SGPP2: variants seen among roughly 807,000 people sequenced by gnomAD.
SGPP2 encodes sphingosine 1-phosphate phosphohydrolase 2.
SGPP2 carries 30 observed loss-of-function variants against 33.9 expected under a neutral mutation model. The ratio of observed to expected loss-of-function variants is 0.89; its 90% confidence interval spans 0.66 to 1.20. The LOEUF (loss-of-function observed/expected upper bound fraction) is 1.20. SGPP2 is among the 50% of genes most tolerant of loss of function. The probability of loss-of-function intolerance (pLI) is 0.00; values close to 1 mark genes in which losing one functional copy is unlikely to be tolerated. For missense variants in SGPP2, 458 were observed against 532.1 expected (o/e 0.86, Z 1.37); for synonymous variants, 233 against 225.0 (o/e 1.04, Z -0.32).
chr2:222,451,337 A>G (rs1697484799), intron 1 of SGPP2, among the ~76,000 whole-genome samples: 1 of 152,250 alleles, frequency 6.6e-6, no homozygotes, highest in Non-Finnish European at 1.5e-5. Flanking sequence ...GGATGTAATC[A>G]ACTTCTCACC....
intron 2 of SGPP2, among the ~76,000 whole-genome samples, chr2:222,502,942 G>A (rs1026147960): frequency 1.4e-4 from 21 of 152,202 alleles, no homozygotes; most frequent in Admixed American, 1.4e-3. Flanking sequence ...AATGTGAATA[G>A]GAAGAAATAA....
chr2:222,445,184 T>A (rs1274054210), intron 1 of SGPP2, among the ~76,000 whole-genome samples: 1 of 152,202 alleles, frequency 6.6e-6, no homozygotes, highest in Non-Finnish European at 1.5e-5. Context: ...CTGAACTTGG[T>A]GGACCTCCTT....
rs140188480 is a variant in SGPP2, at chr2:222,440,069, G to A, written c.219+15248G>A. Among the ~76,000 whole-genome samples, 352 of 152,252 alleles carry A rather than the reference G, an allele frequency of 2.3e-3. 1 individual carries two copies. Among genetic ancestry groups the A allele is most frequent in the African/African-American group, 7.7e-3 (319 of 41,552 alleles). ...AATCAATACTGCCTTATAAAAACTG[G>A]TTCTGCCATTTTTCTCGCAACTTTT... On this transcript the variant is annotated intron_variant, in intron 1 of 4. Transcript: ENST00000321276.
In SGPP2 at chr2:222,430,953, T is replaced by C. The variant is rs192413597; in HGVS notation, c.219+6132T>C. ...TCTAAGGAGGCATGACTAAATGTTATGTAGTATCCTGGATGAGGTCATGGA... is the reference window on the plus strand; with the variant it reads ...TCTAAGGAGGCATGACTAAATGTTACGTAGTATCCTGGATGAGGTCATGGA... On this transcript the variant is annotated intron_variant, in intron 1 of 4. Coordinates refer to ENST00000321276, the MANE Select transcript of SGPP2 (RefSeq NM_152386.4). Among the ~76,000 whole-genome samples the C allele has an allele frequency of 1.7e-3, 257 of 152,170 alleles. 2 individuals are homozygous for C. The Middle Eastern group carries it at 0.02, about 12-fold the overall frequency.
intron 2 of SGPP2, among the ~76,000 whole-genome samples, chr2:222,481,201 T>G (rs1371879030): frequency 6.6e-6 from 1 of 152,092 alleles, no homozygotes; most frequent in Non-Finnish European, 1.5e-5. Flanking sequence ...TGTCTACCTA[T>G]GCAACAAACC....
At chr2:222,521,048 C>G (rs976317123) in intron 2 of SGPP2, among the ~76,000 whole-genome samples, 16 of 152,262 alleles carry the variant, frequency 1.1e-4, no homozygotes, top group African/African-American at 3.9e-4. Context: ...GCATTAGCCA[C>G]TGCACCCAAC....
intron 4 of SGPP2, among the ~76,000 whole-genome samples, chr2:222,541,594 T>TTTTATTTA (rs72410664): frequency 1.8e-3 from 278 of 150,708 alleles, no homozygotes; most frequent in African/African-American, 6.0e-3. Context: ...AAGAAAACTA[T>TTTTATTTA]TTTATTTATT....
chr2:222,521,576 A>G (rs1184616816), intron 2 of SGPP2, among the ~76,000 whole-genome samples, 191 bp from the exon 3 acceptor site: 1 of 152,256 alleles, frequency 6.6e-6, no homozygotes, highest in African/African-American at 2.4e-5. Flanking sequence ...CAGTGGTCCT[A>G]TGGAATCCAG....
Position 222,553,940 on chromosome 2 carries a change from A to G in SGPP2, c.649-4407A>G, listed in dbSNP as rs1006183572. Among the ~76,000 whole-genome samples, 7 of 152,106 alleles carry G rather than the reference A, an allele frequency of 4.6e-5. 1 individual carries two copies. Among genetic ancestry groups the G allele is most frequent in the East Asian group, 3.9e-4 (2 of 5,184 alleles). On this transcript the variant is annotated intron_variant, in intron 4 of 4. Transcript: ENST00000321276. ...CACTCAGAATTCTTATGCCTTTAAA[A>G]ACACACAAACAGAATGCCCTCAGAG... is the stretch of plus-strand genomic sequence containing the variant.
Position 222,476,809 on chromosome 2 carries a change from C to T in SGPP2, c.378+2083C>T, listed in dbSNP as rs1184809733. Among the ~76,000 whole-genome samples the T allele has an allele frequency of 1.4e-5, 2 of 147,466 alleles. No individual in the cohort carries two copies. Among genetic ancestry groups the T allele is most frequent in the East Asian group, 2.0e-4 (1 of 4,914 alleles). On this transcript the variant is annotated intron_variant, in intron 2 of 4. Coordinates refer to ENST00000321276, the MANE Select transcript of SGPP2 (RefSeq NM_152386.4). The surrounding 1 kb of genome is among the most constrained non-coding windows in gnomAD (Gnocchi z 4.3). ...GTATACAGGTGTGTGTATATCCGTG[C>T]GTGTATATAGGTGTGTGTATATGTG...
At chr2:222,510,447 A>G (rs1698509318) in intron 2 of SGPP2, among the ~76,000 whole-genome samples, 1 of 152,200 alleles carries the variant, frequency 6.6e-6, no homozygotes, top group Non-Finnish European at 1.5e-5. Flanking sequence ...CTTTTTGGAA[A>G]CAAACCCGTA....
In SGPP2 at chr2:222,435,650, AC is replaced by A. The variant is rs531931835; in HGVS notation, c.219+10830del. On this transcript the variant is annotated intron_variant, in intron 1 of 4. Coordinates refer to ENST00000321276, the MANE Select transcript of SGPP2 (RefSeq NM_152386.4). ...AGTACTATTACATAAAGTTAACAAT[AC>A]TTAAATGCTGATATGAAGTCAATAA... Among the ~76,000 whole-genome samples, 144 of 152,364 alleles carry A rather than the reference AC, an allele frequency of 9.5e-4. 1 individual carries two copies. Among genetic ancestry groups the A allele is most frequent in the African/African-American group, 3.4e-3 (141 of 41,576 alleles).
intron 4 of SGPP2, among the ~76,000 whole-genome samples, chr2:222,525,817 C>A (rs1698749835): frequency 6.6e-6 from 1 of 152,128 alleles, no homozygotes. Flanking sequence ...GCAAAAAAAC[C>A]TGGGAGGGAA....
rs1689277333 is a variant in SGPP2, at chr2:222,550,640, A to G, written c.649-7707A>G. Among the ~76,000 whole-genome samples the G allele has an allele frequency of 6.6e-6, 1 of 152,228 alleles. No individual in the cohort carries two copies. Among genetic ancestry groups the G allele is most frequent in the Non-Finnish European group, 1.5e-5 (1 of 68,038 alleles). On this transcript the variant is annotated intron_variant, in intron 4 of 4. Coordinates refer to ENST00000321276, the MANE Select transcript of SGPP2 (RefSeq NM_152386.4). The surrounding 1 kb of genome is among the most constrained non-coding windows in gnomAD (Gnocchi z 4.5). ...AGAAATTTGTCTTTTCACATGGAAA[A>G]TGTTCCTGCTATATTATTAAATAAG...
chr2:222,434,644 C>G (rs1013075476), intron 1 of SGPP2, among the ~76,000 whole-genome samples: 3 of 152,022 alleles, frequency 2.0e-5, no homozygotes, highest in Admixed American at 2.0e-4. Context: ...TAAGAAATGC[C>G]CTTTCTGTCA....
At chr2:222,433,495 C>T (rs189725765) in intron 1 of SGPP2, among the ~76,000 whole-genome samples, 3 of 152,294 alleles carry the variant, frequency 2.0e-5, no homozygotes, top group Admixed American at 1.3e-4. Flanking sequence ...CCTCTGCTCA[C>T]CTGTGTACCC....
chr2:222,459,968 A>G (rs150611991), intron 1 of SGPP2, among the ~76,000 whole-genome samples: 20 of 152,304 alleles, frequency 1.3e-4, no homozygotes, highest in Non-Finnish European at 2.5e-4. Flanking sequence ...TGAGAACCAC[A>G]TTTCCCACAC....
intron 2 of SGPP2, among the ~76,000 whole-genome samples, chr2:222,505,607 A>G (rs138066391): frequency 6.6e-6 from 1 of 152,302 alleles, no homozygotes; most frequent in African/African-American, 2.4e-5. Context: ...ATTTACTACC[A>G]TAAAATATAC....
chr2:222,434,809 T>A (rs1332642078), intron 1 of SGPP2, among the ~76,000 whole-genome samples: 2 of 151,914 alleles, frequency 1.3e-5, no homozygotes, highest in Non-Finnish European at 2.9e-5. Flanking sequence ...AGACCAGGCC[T>A]TAATTGGTAG....
Sources: gnomAD v4.1 joint callset for allele counts (sites outside exome capture counted in the v4.1 genomes callset) on GRCh38, gnomAD v4.1.1 for gene constraint, Gnocchi (gnomAD v3.1) non-coding constraint, MANE v1.5 for transcripts, NCBI Gene and HGNC (gene_info 2026-07-23, HGNC 2026-07-21) for gene names.